The following CYP2C19 variants were observed in gnomAD, a reference collection of about 807,000 sequenced individuals.
CYP2C19 encodes the protein cytochrome P450 family 2 subfamily C member 19.
In CYP2C19, 59 loss-of-function variants were observed where a neutral mutation model predicts 40.9. The observed-to-expected ratio is 1.44, with a 90% CI of 1.17 to 1.79. The LOEUF is 1.79. Among genes scored for constraint, CYP2C19 ranks in the 40% most tolerant of loss-of-function variants. CYP2C19 has a pLI of 0.00. For synonymous variants in CYP2C19, 253 were observed against 208.7 expected, an observed-to-expected ratio of 1.21 and a Z score of -1.83; for missense variants, 754 against 596.9, an observed-to-expected ratio of 1.26 and a Z score of -2.74.
At chr10:94,792,315 T>A (rs1848615526) in intron 5 of CYP2C19, among the ~76,000 whole-genome samples, 1 of 152,170 alleles carries the variant, frequency 6.6e-6, no homozygotes, top group African/African-American at 2.4e-5. Context: ...TCTATCCTAT[T>A]TTCCAGTCTG....
At chr10:94,773,007 T>A (rs1848356870) in intron 1 of CYP2C19, among the ~76,000 whole-genome samples, 1 of 152,048 alleles carries the variant, frequency 6.6e-6, no homozygotes, top group South Asian at 2.1e-4. Context: ...GGTCTCGATC[T>A]GCTGACCTCA....
chr10:94,784,244 G>A (rs1375780286), intron 5 of CYP2C19, among the ~76,000 whole-genome samples: 1 of 151,970 alleles, frequency 6.6e-6, no homozygotes, highest in South Asian at 2.1e-4. Flanking sequence ...TCTTTTTGTG[G>A]ATAAAGTATA....
intron 5 of CYP2C19, among the ~76,000 whole-genome samples, chr10:94,815,395 A>G (rs1848986265): frequency 6.6e-6 from 1 of 152,202 alleles, no homozygotes; most frequent in African/African-American, 2.4e-5. Context: ...TTAGAAAGTA[A>G]TATGTTTTTG....
At chr10:94,795,766 A>AT (rs1256510717) in intron 5 of CYP2C19, among the ~76,000 whole-genome samples, 2 of 151,978 alleles carry the variant, frequency 1.3e-5, no homozygotes, top group Admixed American at 1.3e-4. Context: ...GATGATGAAC[A>AT]TTTTTTCATG....
chr10:94,828,470 A>G (rs2134275499), intron 6 of CYP2C19, among the ~76,000 whole-genome samples: 1 of 145,706 alleles, frequency 6.9e-6, no homozygotes, highest in East Asian at 2.0e-4. Flanking sequence ...GTTTTATCAG[A>G]GACTAGGATT....
At chr10:94,770,797 A>C (rs989754349) in intron 1 of CYP2C19, among the ~76,000 whole-genome samples, 1 of 152,094 alleles carries the variant, frequency 6.6e-6, no homozygotes, top group African/African-American at 2.4e-5. Flanking sequence ...TACTCCTTCT[A>C]GAACACTGGT....
chr10:94,816,197 G>C (rs1383299110), intron 5 of CYP2C19, among the ~76,000 whole-genome samples: 1 of 151,448 alleles, frequency 6.6e-6, no homozygotes, highest in Non-Finnish European at 1.5e-5. Flanking sequence ...TAAAGTTTGG[G>C]CCAGTTGGTC....
At chr10:94,791,877 T>C (rs1848609818) in intron 5 of CYP2C19, among the ~76,000 whole-genome samples, 1 of 152,168 alleles carries the variant, frequency 6.6e-6, no homozygotes, top group African/African-American at 2.4e-5. Flanking sequence ...AGATGTCTAT[T>C]AGGTCCACTT....
At chr10:94,822,902 C>T (rs535461570) in intron 6 of CYP2C19, among the ~76,000 whole-genome samples, 4 of 151,774 alleles carry the variant, frequency 2.6e-5, no homozygotes, top group African/African-American at 7.2e-5. Flanking sequence ...TGTTCATGTC[C>T]TTTCACCATT....
intron 6 of CYP2C19, among the ~76,000 whole-genome samples, chr10:94,836,640 T>C (rs1208531764): frequency 6.6e-6 from 1 of 152,240 alleles, no homozygotes; most frequent in East Asian, 1.9e-4. Flanking sequence ...AGTTGCTTTA[T>C]GGTTTTGGGA....
chr10:94,812,507 A>G (rs969255834), intron 5 of CYP2C19, among the ~76,000 whole-genome samples: 12 of 152,168 alleles, frequency 7.9e-5, no homozygotes, highest in Non-Finnish European at 1.6e-4. Flanking sequence ...ACTTTCAGGT[A>G]CACCAATCAA....
intron 6 of CYP2C19, among the ~76,000 whole-genome samples, chr10:94,835,477 G>T (rs1451564034): frequency 1.3e-5 from 2 of 152,158 alleles, no homozygotes; most frequent in African/African-American, 4.8e-5. Context: ...GTTTCCCGGA[G>T]GGGATTACCC....
intron 5 of CYP2C19, among the ~76,000 whole-genome samples, chr10:94,799,626 G>A (rs1848736842): frequency 6.6e-6 from 1 of 152,008 alleles, no homozygotes; most frequent in South Asian, 2.1e-4. Flanking sequence ...ATCACTTTCT[G>A]GTACACCAAT....
At chr10:94,775,766 C>G (rs1198127312) in intron 3 of CYP2C19, 2 of 631,276 alleles carry the variant, frequency 3.2e-6, no homozygotes, top group Non-Finnish European at 5.4e-6. Context: ...TCATTTAATC[C>G]TATGTTCTCC....
At position 94,854,331 on chromosome 10, in the gene CYP2C19, TAAG is replaced by T. The variant is rs555312373; in HGVS notation, c.*1423_*1425del. Among the ~76,000 whole-genome samples, 630 of 152,296 alleles carry T rather than the reference TAAG, an allele frequency of 4.1e-3. 5 individuals are homozygous for T. Among genetic ancestry groups the T allele is most frequent in the African/African-American group, 0.014 (597 of 41,560 alleles). On this transcript the variant is annotated 3_prime_UTR_variant, in exon 9 of 9. Transcript: ENST00000371321. Reference sequence around the variant, plus strand: ...ACTGCACCTGGCTGAACAAAATTTCTAAGAAGAATTACCAGGGTTTAATCTTTT... The same window carrying T: ...ACTGCACCTGGCTGAACAAAATTTCTAAGAATTACCAGGGTTTAATCTTTT...
At chr10:94,803,816 C>T (rs1476825402) in intron 5 of CYP2C19, among the ~76,000 whole-genome samples, 1 of 152,140 alleles carries the variant, frequency 6.6e-6, no homozygotes, top group Non-Finnish European at 1.5e-5. Context: ...CCCCTGCGGC[C>T]AGATCTCTGT....
rs1191299898 is a variant in CYP2C19 at position 94,853,305 on chromosome 10, CAAATT to C, written c.*395_*399del. The C allele has an allele frequency of 2.6e-6, 1 of 384,554 alleles. No homozygotes were observed. Among genetic ancestry groups the C allele is most frequent in the Non-Finnish European group, 4.8e-6 (1 of 208,450 alleles). 23.8% of individuals were successfully genotyped at this position (384,554 alleles called of 1,614,324 possible). A position where few individuals can be genotyped will look rare whatever the true frequency, so the allele number is the denominator to read the frequency against. ...CTTCCTTTGTGCATAATGCAGGTGA[CAAATT>C]AAAGAAAATAGAGTTCCAGGAGGCC... is the stretch of plus-strand genomic sequence containing the variant. On this transcript the variant is annotated 3_prime_UTR_variant, in exon 9 of 9. Transcript: ENST00000371321.
chr10:94,829,487 C>T (rs1017668630), intron 6 of CYP2C19, among the ~76,000 whole-genome samples: 1 of 152,176 alleles, frequency 6.6e-6, no homozygotes, highest in Non-Finnish European at 1.5e-5. Flanking sequence ...AGTTCTCGAG[C>T]CTTGGTTTTC....
Position 94,795,806 on chromosome 10 carries a change from T to C in CYP2C19, c.819+13809T>C, listed in dbSNP as rs1321851607. On this transcript the variant is annotated intron_variant, in intron 5 of 8. Coordinates refer to ENST00000371321, the MANE Select transcript of CYP2C19 (RefSeq NM_000769.4). ...TTTTGGCTGCATAAATGTCTTCTTT[T>C]GAGAAGTGTCTGTTCATATCCTTCA... 3.3e-5 allele frequency among the ~76,000 whole-genome samples: 5 copies of C among 152,192 alleles called. No homozygotes were observed. In the South Asian group the frequency reaches 1.0e-3, roughly 31 times the overall value.
Sources: gnomAD v4.1 joint callset for allele counts (sites outside exome capture counted in the v4.1 genomes callset) on GRCh38, gnomAD v4.1.1 for gene constraint, MANE v1.5 for transcripts, NCBI Gene and HGNC (gene_info 2026-07-23, HGNC 2026-07-21) for gene names.